HPS5: variants seen among roughly 807,000 people sequenced by gnomAD.
The protein encoded by HPS5 is HPS5 biogenesis of lysosomal organelles complex 2 subunit 2.
HPS5 carries 83 observed loss-of-function variants against 128.0 expected under a neutral mutation model. The observed-to-expected ratio is 0.65, with a 90% CI of 0.54 to 0.78. HPS5 has a LOEUF of 0.78. HPS5 is among the 30% of genes least tolerant of loss of function. The probability of loss-of-function intolerance (pLI) is 0.00; values close to 1 mark genes in which losing one functional copy is unlikely to be tolerated. For synonymous variants in HPS5, 475 were observed against 470.2 expected, an observed-to-expected ratio of 1.01 and a Z score of -0.13; for missense variants, 1,281 against 1,326.2, an observed-to-expected ratio of 0.97 and a Z score of 0.53.
chr11:18,321,164 C>T (rs1273758569), intron 1 of HPS5, among the ~76,000 whole-genome samples: 1 of 152,178 alleles, frequency 6.6e-6, no homozygotes, highest in East Asian at 1.9e-4. Context: ...AAAATATATA[C>T]ATAATATTGT....
intron 2 of HPS5, among the ~76,000 whole-genome samples, chr11:18,313,899 C>A (rs1272635719): frequency 1.6e-5 from 2 of 124,492 alleles, no homozygotes; most frequent in Admixed American, 2.0e-4. Context: ...GGTGACAGAG[C>A]TAGACTCCGT....
chr11:18,304,216 C>CTTT (rs778919142), intron 8 of HPS5, among the ~76,000 whole-genome samples: 2 of 135,522 alleles, frequency 1.5e-5, no homozygotes, highest in African/African-American at 2.7e-5. Flanking sequence ...CTATAATTCA[C>CTTT]TTTTTTTTTT....
intron 5 of HPS5, 83 bp downstream of exon 5, chr11:18,310,658 A>T (rs967846199): frequency 8.7e-7 from 1 of 1,151,416 alleles, no homozygotes; most frequent in African/African-American, 1.5e-5. Flanking sequence ...TACAGTAGAT[A>T]AAATCACATC....
intron 16 of HPS5, among the ~76,000 whole-genome samples, chr11:18,289,212 T>C (rs1860108287): frequency 6.6e-6 from 1 of 152,188 alleles, no homozygotes; most frequent in African/African-American, 2.4e-5. Context: ...TTCCCCAGTC[T>C]CATTGTTTCC....
At chr11:18,304,935 G>A (rs1205521052) in intron 8 of HPS5, among the ~76,000 whole-genome samples, 1 of 152,230 alleles carries the variant, frequency 6.6e-6, no homozygotes, top group Non-Finnish European at 1.5e-5. Flanking sequence ...GCTGAACTCT[G>A]ACATTAGAAT....
rs755899774 is a variant in HPS5, at chr11:18,306,294, C to G, written c.665G>C (p.Cys222Ser). ...NKERDGEYGA[C>S]FFPGRCSGGQ... ...CCCAGAACATCTTCCAGGAAAGAAA[C>G]AAGCTCCATATTCTCCATCTCTTTC... The change falls in exon 7 of 23, where the codon TGT becomes TCT. Residue 222 changes from cysteine (C) to serine (S), a missense_variant. Cys to Ser is a moderately radical substitution (Grantham distance 112). Transcript: ENST00000349215. The G allele has an allele frequency of 5.6e-6, 9 of 1,614,018 alleles. No homozygotes were observed. In the South Asian group the frequency reaches 8.8e-5, roughly 16 times the overall value.
chr11:18,319,267 A>ACACACG (rs1386496352), intron 1 of HPS5, among the ~76,000 whole-genome samples: 3 of 149,564 alleles, frequency 2.0e-5, no homozygotes, highest in African/African-American at 7.4e-5. Context: ...ACACACACAC[A>ACACACG]CACACACACA....
intron 20 of HPS5, among the ~76,000 whole-genome samples, chr11:18,284,399 G>A (rs576636201): frequency 2.7e-4 from 41 of 152,260 alleles, no homozygotes; most frequent in Non-Finnish European, 4.9e-4. Flanking sequence ...AATGCCCACT[G>A]GATGTGCTCC....
intron 16 of HPS5, among the ~76,000 whole-genome samples, chr11:18,288,847 C>T (rs1860052420): frequency 1.3e-5 from 2 of 151,342 alleles, no homozygotes; most frequent in South Asian, 2.1e-4. Flanking sequence ...GGTCTTGCTA[C>T]GTTGCCTAGC....
In HPS5 at chr11:18,278,798, C is replaced by T. The variant is rs1034605753; in HGVS notation, c.*1084G>A. 1 of 152,472 alleles carries T rather than the reference C, an allele frequency of 6.6e-6. No individual in the cohort carries two copies. The highest frequency in any genetic ancestry group is 1.5e-5 in the Non-Finnish European group (1 of 68,034). 9.4% of individuals were successfully genotyped at this position (152,472 alleles called of 1,614,324 possible). On this transcript the variant is annotated 3_prime_UTR_variant, in exon 23 of 23. Coordinates refer to ENST00000349215, the MANE Select transcript of HPS5 (RefSeq NM_181507.2). The stretch of plus-strand genomic sequence containing the variant: ...TATTTTACATTTATTATTAATATAA[C>T]ATGCTATGTAAATGTACAGGAGCCT...
rs1859945664 is a variant in HPS5 at position 18,287,942 on chromosome 11, CTAGTAACTTTAACCTTGTTGG to C, written c.2491_2511del (p.Pro831_Leu837del). 6.2e-7 allele frequency: 1 copy of C among 1,613,902 alleles called. No individual in the cohort carries two copies. The highest frequency in any genetic ancestry group is 8.5e-7 in the Non-Finnish European group (1 of 1,179,976). The stretch of plus-strand genomic sequence containing the variant: ...GGACTATCAAAAGGAACCTCGTCAT[CTAGTAACTTTAACCTTGTTGG>C]TAGATCTCCTTTTTCCATCTCCATA... On this transcript the variant is annotated inframe_deletion, in exon 17 of 23. Coordinates refer to ENST00000349215, the MANE Select transcript of HPS5 (RefSeq NM_181507.2).
intron 1 of HPS5, among the ~76,000 whole-genome samples, chr11:18,319,182 C>G (rs1863997835): frequency 6.6e-6 from 1 of 151,684 alleles, no homozygotes; most frequent in Non-Finnish European, 1.5e-5. Flanking sequence ...GTACCAGGCA[C>G]AGTGGTAAAA....
At chr11:18,306,679 C>T (rs1272416554) in intron 6 of HPS5, among the ~76,000 whole-genome samples, 1 of 152,182 alleles carries the variant, frequency 6.6e-6, no homozygotes, top group Non-Finnish European at 1.5e-5. Flanking sequence ...TCCTTGAATC[C>T]TACTAATTGC....
chr11:18,321,443 T>C (rs886205365), intron 1 of HPS5, among the ~76,000 whole-genome samples: 5 of 152,198 alleles, frequency 3.3e-5, no homozygotes, highest in Non-Finnish European at 5.9e-5. Context: ...ACTAAGAACA[T>C]AGAAGTTGGC....
intron 20 of HPS5, among the ~76,000 whole-genome samples, chr11:18,284,445 C>T (rs952372539): frequency 5.9e-5 from 9 of 152,186 alleles, no homozygotes; most frequent in Non-Finnish European, 1.3e-4. Flanking sequence ...CCACTCATAT[C>T]TGAATTACTC....
intron 2 of HPS5, 128 bp from the exon 3 acceptor site, chr11:18,312,152 A>G (rs189462461): frequency 1.7e-5 from 12 of 707,114 alleles, no homozygotes; most frequent in African/African-American, 1.8e-5. Flanking sequence ...GCCCATATGG[A>G]CACAATATGA....
At chr11:18,301,181 T>C (rs1396012632) in intron 8 of HPS5, among the ~76,000 whole-genome samples, 1 of 151,646 alleles carries the variant, frequency 6.6e-6, no homozygotes, top group African/African-American at 2.4e-5. Context: ...GTCAGCTGGG[T>C]GCAGTGGCTC....
chr11:18,294,702 T>C lies in HPS5; in HGVS notation c.1784+318A>G, dbSNP rs7127420. 0.021 allele frequency among the ~76,000 whole-genome samples: 3,250 copies of C among 152,264 alleles called. 117 individuals carry two copies. The highest frequency in any genetic ancestry group is 0.075 in the African/African-American group (3,112 of 41,526). On this transcript the variant is annotated intron_variant, in intron 14 of 22. Transcript: ENST00000349215. ...AATCTTCAATGAATGCAGACATACA[T>C]GTGCCTTCTTGAAAAGGACATAGTC... is the stretch of plus-strand genomic sequence containing the variant.
intron 1 of HPS5, 89 bp from the exon 2 acceptor site, chr11:18,317,996 T>G: frequency 2.1e-6 from 2 of 960,962 alleles, no homozygotes; most frequent in Non-Finnish European, 3.2e-6. Context: ...TAGAGAAACA[T>G]GAGAAAGTCC....
Sources: allele counts gnomAD v4.1 joint callset (sites outside exome capture counted in the v4.1 genomes callset), GRCh38; gene constraint gnomAD v4.1.1; transcripts MANE v1.5; gene names NCBI Gene and HGNC (gene_info 2026-07-23, HGNC 2026-07-21).